NBEAL1: variants seen among roughly 807,000 people sequenced by gnomAD.
The protein encoded by NBEAL1 is neurobeachin like 1, also known as neurobeachin-like protein 1.
NBEAL1 carries 273 observed loss-of-function variants against 351.3 expected under a neutral mutation model. That is an observed-to-expected ratio of 0.78 (90% CI 0.70 to 0.86). The LOEUF (loss-of-function observed/expected upper bound fraction) is 0.86, where lower values mean the gene tolerates loss of function less well. NBEAL1 is among the 40% of genes least tolerant of loss of function. The probability of loss-of-function intolerance (pLI) is 0.00; values close to 1 mark genes in which losing one functional copy is unlikely to be tolerated. For synonymous variants in NBEAL1, 1,050 were observed against 1,086.4 expected (o/e 0.97, Z 0.66); for missense variants, 2,961 against 3,201.3 (o/e 0.92, Z 1.81).
intron 34 of NBEAL1, among the ~76,000 whole-genome samples, chr2:203,150,461 G>T (rs2063620767): frequency 6.6e-6 from 1 of 151,768 alleles, no homozygotes; most frequent in African/African-American, 2.4e-5. Context: ...TCGAATAATA[G>T]ACCCTGATCA....
intron 6 of NBEAL1, among the ~76,000 whole-genome samples, chr2:203,065,155 A>G (rs1472620222): frequency 1.3e-5 from 2 of 152,116 alleles, no homozygotes; most frequent in Non-Finnish European, 2.9e-5. Flanking sequence ...GCTTTGCAGG[A>G]GGCTGAGGTG....
In NBEAL1 at chr2:203,049,985, A is replaced by G. The variant is rs772527531; in HGVS notation, c.305+10A>G. 5 of 1,549,870 alleles carry G rather than the reference A, an allele frequency of 3.2e-6. No individual in the cohort carries two copies. The highest frequency in any genetic ancestry group is 4.4e-6 in the Non-Finnish European group (5 of 1,145,850). On this transcript the variant is annotated intron_variant, in intron 4 of 55. Transcript: ENST00000683969. ...TCATTATTCTTTGCAGGTATCTAGT[A>G]GAAAAAATAAGCTAGTTTTCACTCA...
At chr2:203,074,214 T>C (rs551556206) in intron 7 of NBEAL1, among the ~76,000 whole-genome samples, 122 of 152,224 alleles carry the variant, frequency 8.0e-4, no homozygotes, top group African/African-American at 2.8e-3. Flanking sequence ...ATATATGCAA[T>C]TTGTATTTGT....
chr2:203,195,784 A>C (rs967504007), intron 47 of NBEAL1, among the ~76,000 whole-genome samples: 1 of 152,230 alleles, frequency 6.6e-6, no homozygotes, highest in African/African-American at 2.4e-5. Context: ...GAAGCTCATT[A>C]GAGACCCAGT....
chr2:203,190,506 G>A, intron 46 of NBEAL1, 117 bp downstream of exon 46: 1 of 797,706 alleles, frequency 1.3e-6, no homozygotes, highest in South Asian at 1.7e-5. Flanking sequence ...GTCACAGAAA[G>A]ATTTCTGTTT....
intron 42 of NBEAL1, among the ~76,000 whole-genome samples, chr2:203,178,113 G>A (rs1219067018): frequency 2.0e-5 from 3 of 149,738 alleles, no homozygotes; most frequent in Non-Finnish European, 4.4e-5. Context: ...AGACATATAT[G>A]CACACAAAAA....
chr2:203,094,435 T>G (rs1202306247), intron 10 of NBEAL1, among the ~76,000 whole-genome samples: 2 of 152,336 alleles, frequency 1.3e-5, no homozygotes, highest in Non-Finnish European at 2.9e-5. Flanking sequence ...TATGTTCTTT[T>G]TATATAGTAG....
intron 48 of NBEAL1, 72 bp downstream of exon 48, chr2:203,197,463 A>T: frequency 8.8e-7 from 1 of 1,135,000 alleles, no homozygotes. Flanking sequence ...AGAGGAAATA[A>T]ATATTTTTTA....
At chr2:203,197,860 G>A (rs964620516) in intron 48 of NBEAL1, among the ~76,000 whole-genome samples, 3 of 152,044 alleles carry the variant, frequency 2.0e-5, no homozygotes, top group Non-Finnish European at 2.9e-5. Context: ...AGTGAGCCAA[G>A]ATCGCGCCAC....
At chr2:203,174,150 C>CT (rs79157052) in intron 41 of NBEAL1, among the ~76,000 whole-genome samples, 201 of 100,696 alleles carry the variant, frequency 2.0e-3, no homozygotes, top group Middle Eastern at 0.019. Flanking sequence ...CTGGTTCTTC[C>CT]TTTTTTTTTT....
intron 43 of NBEAL1, 97 bp from the exon 44 acceptor site, chr2:203,183,182 T>C (rs1366203108): frequency 1.9e-5 from 11 of 585,882 alleles, no homozygotes; most frequent in Non-Finnish European, 3.3e-5. Flanking sequence ...AAAGAAAAAA[T>C]ATGTTTTGCT....
At chr2:203,167,617 G>T (rs911327783) in intron 38 of NBEAL1, among the ~76,000 whole-genome samples, 1 of 152,140 alleles carries the variant, frequency 6.6e-6, no homozygotes, top group Non-Finnish European at 1.5e-5. Context: ...CACTTGTGAT[G>T]TAATATACAA....
intron 6 of NBEAL1, among the ~76,000 whole-genome samples, chr2:203,060,310 TAAC>T (rs538320474): frequency 1.4e-3 from 212 of 152,182 alleles, no homozygotes; most frequent in African/African-American, 4.7e-3. Context: ...TTTTTGATAA[TAAC>T]TATTAAAAAG....
At chr2:203,089,307 C>T (rs961177931) in intron 10 of NBEAL1, among the ~76,000 whole-genome samples, 3 of 150,714 alleles carry the variant, frequency 2.0e-5, no homozygotes, top group African/African-American at 7.3e-5. Context: ...TGCAGTGAGC[C>T]GAGATCACCC....
intron 19 of NBEAL1, 87 bp from the exon 20 acceptor site, chr2:203,125,265 C>T: frequency 2.1e-6 from 2 of 964,650 alleles, no homozygotes; most frequent in Non-Finnish European, 2.9e-6. Context: ...GTTTATCTAG[C>T]AGATTATAAC....
chr2:203,088,616 GACATAAGTTTCTTATACCC>G (rs1476376877), intron 10 of NBEAL1, among the ~76,000 whole-genome samples: 82 of 152,142 alleles, frequency 5.4e-4, no homozygotes, highest in Admixed American at 1.8e-3. Context: ...TGGCCACTTT[GACATAAGTTTCTTATACCC>G]ACATAAAAGT....
chr2:203,156,092 A>T (rs2063791136), intron 35 of NBEAL1, among the ~76,000 whole-genome samples: 1 of 152,130 alleles, frequency 6.6e-6, no homozygotes, highest in Non-Finnish European at 1.5e-5. Context: ...TCCTTACCCT[A>T]GTTTCTACTT....
At chr2:203,192,265 C>T (rs1185331578) in intron 46 of NBEAL1, among the ~76,000 whole-genome samples, 3 of 152,192 alleles carry the variant, frequency 2.0e-5, no homozygotes, top group African/African-American at 7.2e-5. Flanking sequence ...CATATTTTCA[C>T]ACCTGCTTTA....
Position 203,144,662 on chromosome 2 carries a change from G to T in NBEAL1, c.4911G>T (p.Gln1637His). 1 of 1,614,096 alleles carries T rather than the reference G, an allele frequency of 6.2e-7. No individual in the cohort carries two copies. The highest frequency in any genetic ancestry group is 8.5e-7 in the Non-Finnish European group (1 of 1,180,000). ...TLLQTKVIEN[Q>H]DEACYILGKL... is the part of the protein sequence containing the mutation. ...TTCAGACCAAAGTGATTGAAAATCA[G>T]GATGAAGCATGTTACATTTTAGGGA... Residue 1637 changes from glutamine to histidine, a missense_variant, in exon 32 of 56, where the codon CAG becomes CAT. Transcript: ENST00000683969.
Sources: allele counts gnomAD v4.1 joint callset (sites outside exome capture counted in the v4.1 genomes callset), GRCh38; gene constraint gnomAD v4.1.1; transcripts MANE v1.5; gene names NCBI Gene and HGNC (gene_info 2026-07-23, HGNC 2026-07-21).